Variants in LRRC51 observed in about 807,000 individuals in gnomAD.
LRRC51 encodes leucine rich repeat containing 51, also known as leucine-rich repeat-containing protein 51.
In LRRC51, 8 loss-of-function variants were observed where a neutral mutation model predicts 17.8. The ratio of observed to expected loss-of-function variants is 0.45; its 90% confidence interval spans 0.26 to 0.81. The LOEUF is 0.81. Ranked by LOEUF, LRRC51 falls within the 30% of genes least tolerant of loss-of-function variation. The pLI, the probability that LRRC51 is intolerant of heterozygous loss-of-function variation, is 0.17. For synonymous variants in LRRC51, 92 were observed against 96.0 expected (o/e 0.96, Z 0.24); for missense variants, 233 against 239.3 (o/e 0.97, Z 0.17).
intron 1 of LRRC51, among the ~76,000 whole-genome samples, chr11:72,085,223 C>T (rs1386291503): frequency 6.6e-6 from 1 of 152,166 alleles, no homozygotes; most frequent in Admixed American, 6.5e-5. Flanking sequence ...TCCAAAAACA[C>T]AGCCACAGGA....
chr11:72,088,262 G>A, intron 1 of LRRC51, 35 bp from the exon 2 acceptor site: 1 of 663,182 alleles, frequency 1.5e-6, no homozygotes, highest in Non-Finnish European at 2.7e-6. Context: ...CACATTGCAA[G>A]TGACTGATAA....
chr11:72,088,616 A>C, intron 2 of LRRC51: 1 of 581,316 alleles, frequency 1.7e-6, no homozygotes. Context: ...AGCCCAGTTG[A>C]TGTCAACAGA....
In LRRC51 at chr11:72,093,525, C is replaced by A; in HGVS notation, c.112C>A (p.Leu38Ile). The change falls in exon 4 of 6, where the codon CTA becomes ATA. Residue 38 changes from leucine to isoleucine, a missense_variant. Transcript: ENST00000289488. ...GGTAAATGAGGAGCCAAGGACAGGA[C>A]TACGACCACTGAAGCGTTCAAAGTC... ...DLVNEEPRTGLRPLKRSKSGK... is the reference protein window; with the variant it reads ...DLVNEEPRTGIRPLKRSKSGK... 1.2e-6 allele frequency: 2 copies of A among 1,613,978 alleles called. No individual in the cohort carries two copies. Among genetic ancestry groups the A allele is most frequent in the South Asian group, 2.2e-5 (2 of 91,048 alleles).
chr11:72,089,487 A>G, intron 3 of LRRC51: 1 of 1,287,096 alleles, frequency 7.8e-7, no homozygotes. Flanking sequence ...CTACAGCAGG[A>G]AAGTCAAGTG....
chr11:72,085,089 C>T (rs577540896), intron 1 of LRRC51, among the ~76,000 whole-genome samples: 4 of 152,178 alleles, frequency 2.6e-5, no homozygotes, highest in South Asian at 4.1e-4. Context: ...ATTCCAGTTC[C>T]GAAACAAGGC....
chr11:72,093,979 G>A (rs1174634463), intron 4 of LRRC51, among the ~76,000 whole-genome samples: 1 of 152,176 alleles, frequency 6.6e-6, no homozygotes, highest in Non-Finnish European at 1.5e-5. Context: ...GTTTTGTGAG[G>A]ATTGAATGAA....
chr11:72,094,284 CAA>C (rs1280494529), intron 4 of LRRC51, among the ~76,000 whole-genome samples: 23 of 81,254 alleles, frequency 2.8e-4, no homozygotes, highest in Admixed American at 4.3e-4. Context: ...GACTCCGTCT[CAA>C]AAAAAAAAAA....
intron 1 of LRRC51, among the ~76,000 whole-genome samples, chr11:72,086,823 A>G (rs1294764453): frequency 6.6e-6 from 1 of 152,238 alleles, no homozygotes; most frequent in African/African-American, 2.4e-5. Context: ...AGTGGTGCAT[A>G]ACTCTGGGGT....
intron 4 of LRRC51, 135 bp downstream of exon 4, chr11:72,093,836 G>A: frequency 3.5e-6 from 3 of 866,498 alleles, no homozygotes; most frequent in Non-Finnish European, 5.8e-6. Flanking sequence ...AGGCTAGGGG[G>A]CCAGACAGAT....
chr11:72,088,505 C>A, intron 2 of LRRC51, 125 bp downstream of exon 2: 2 of 665,992 alleles, frequency 3.0e-6, no homozygotes, highest in South Asian at 1.6e-5. Context: ...AGAAGCCAAG[C>A]GGAGAAGGTG....
chr11:72,093,798 G>C, intron 4 of LRRC51, 97 bp downstream of exon 4: 1 of 1,156,094 alleles, frequency 8.6e-7, no homozygotes, highest in South Asian at 1.2e-5. Flanking sequence ...AGGAAGTAAT[G>C]AGGCAGCATG....
intron 2 of LRRC51, chr11:72,088,813 G>A (rs903459938): frequency 1.5e-5 from 8 of 550,080 alleles, no homozygotes; most frequent in African/African-American, 9.5e-5. Flanking sequence ...ATGGGTGTTC[G>A]ATTCTCAAAT....
chr11:72,095,445 C>G lies in LRRC51; in HGVS notation c.504C>G (p.Asp168Glu), dbSNP rs141922248. The G allele has an allele frequency of 6.2e-6, 10 of 1,614,018 alleles. No individual in the cohort carries two copies. The African/African-American group carries it at 1.2e-4, about 19-fold the overall frequency. ...ACTTCAGTGGGGTCACCAAAGCAGA[C>G]CGCACCACAGCTGAAGTCTGGAAAC... ...TFDFSGVTKA[D>E]RTTAEVWKRM... The change falls in exon 6 of 6, where the codon GAC becomes GAG. Residue 168 changes from aspartate (D) to glutamate (E), a missense_variant. Coordinates refer to ENST00000289488, the MANE Select transcript of LRRC51 (RefSeq NM_145309.6).
intron 1 of LRRC51, among the ~76,000 whole-genome samples, chr11:72,082,864 AT>A (rs879655507): frequency 1.9e-4 from 27 of 145,414 alleles, no homozygotes; most frequent in South Asian, 4.4e-4. Context: ...CCCACCCCCA[AT>A]TTTTTTTTTT....
At chr11:72,093,445 C>T (rs959591674) in intron 3 of LRRC51, 51 bp from the exon 4 acceptor site, 5 of 1,546,826 alleles carry the variant, frequency 3.2e-6, no homozygotes, top group Non-Finnish European at 3.5e-6. Flanking sequence ...TTCCCACCCC[C>T]TAAAGCCAAA....
chr11:72,090,392 TA>T (rs368955013), intron 3 of LRRC51, among the ~76,000 whole-genome samples: 45 of 152,118 alleles, frequency 3.0e-4, no homozygotes, highest in African/African-American at 9.7e-4. Flanking sequence ...GTACCAAGGG[TA>T]ACTCTACATC....
rs1325215123 is a variant in LRRC51 at position 72,094,965 on chromosome 11, C to T, written c.306C>T (p.Phe102=). The change falls in exon 5 of 6, where the codon TTC becomes TTT. Residue 102 remains phenylalanine, a synonymous_variant. Transcript: ENST00000289488. ...TSIDPVLTTF[F]NLSVLYLHGN... ...CCCAACAGGTCCTAACAACTTTCTT[C>T]AACCTGAGTGTCCTCTATCTTCACG... The T allele has an allele frequency of 1.2e-6, 2 of 1,613,934 alleles. No homozygotes were observed. Among genetic ancestry groups the T allele is most frequent in the Non-Finnish European group, 1.7e-6 (2 of 1,180,006 alleles).
At chr11:72,092,004 T>TA (rs1315699360) in intron 3 of LRRC51, among the ~76,000 whole-genome samples, 2 of 152,218 alleles carry the variant, frequency 1.3e-5, no homozygotes, top group East Asian at 3.8e-4. Flanking sequence ...TTTCAGTCCT[T>TA]ACCTCCCTGG....
chr11:72,095,575 C>T lies in LRRC51; in HGVS notation c.*55C>T. On this transcript the variant is annotated 3_prime_UTR_variant, in exon 6 of 6. Coordinates refer to ENST00000289488, the MANE Select transcript of LRRC51 (RefSeq NM_145309.6). ...CCTAAGCATAGACAGCATGGTTTGA[C>T]AATAAATAATTTGAGCTGTTGAGCA... The T allele has an allele frequency of 1.9e-6, 3 of 1,589,640 alleles. No homozygotes were observed. The highest frequency in any genetic ancestry group is 1.8e-5 in the Admixed American group (1 of 55,976).
Sources: gnomAD v4.1 joint callset for allele counts (sites outside exome capture counted in the v4.1 genomes callset) on GRCh38, gnomAD v4.1.1 for gene constraint, MANE v1.5 for transcripts, NCBI Gene and HGNC (gene_info 2026-07-23, HGNC 2026-07-21) for gene names.